The following EYS variants were observed in gnomAD, a reference collection of about 807,000 sequenced individuals.
EYS encodes the protein EGF-like photoreceptor maintenance factor.
EYS carries 250 observed loss-of-function variants against 282.1 expected under a neutral mutation model. That is an observed-to-expected ratio of 0.89 (90% CI 0.80 to 0.98). The LOEUF is 0.98. Ranked by LOEUF, EYS falls within the 50% of genes least tolerant of loss-of-function variation. The pLI, the probability that EYS is intolerant of heterozygous loss-of-function variation, is 0.00. For synonymous variants in EYS, 1,355 were observed against 1,282.9 expected (o/e 1.06, Z -1.20); for missense variants, 4,016 against 3,709.0 (o/e 1.08, Z -2.15).
At chr6:64,329,075 C>G (rs1002833271) in intron 29 of EYS, among the ~76,000 whole-genome samples, 6 of 152,094 alleles carry the variant, frequency 3.9e-5, no homozygotes, top group Non-Finnish European at 8.8e-5. Context: ...AGGACTGAGA[C>G]AGACCAGGCT....
intron 29 of EYS, among the ~76,000 whole-genome samples, chr6:64,375,027 G>C (rs541711182): frequency 6.6e-6 from 1 of 152,250 alleles, no homozygotes; most frequent in East Asian, 1.9e-4. Flanking sequence ...AGTTATATCT[G>C]TTATTTTTAA....
chr6:65,281,035 C>CAAAAAA (rs35633005), intron 12 of EYS, among the ~76,000 whole-genome samples: 18 of 101,614 alleles, frequency 1.8e-4, no homozygotes, highest in East Asian at 8.1e-4. Flanking sequence ...GATGCCATCT[C>CAAAAAA]AAAAAAAAAA....
intron 33 of EYS, among the ~76,000 whole-genome samples, chr6:64,050,517 T>A (rs1204139159): frequency 2.0e-5 from 3 of 152,124 alleles, no homozygotes; most frequent in African/African-American, 4.8e-5. Flanking sequence ...AGGGAAAAAA[T>A]TTGTTTCAGT....
intron 36 of EYS, among the ~76,000 whole-genome samples, chr6:63,851,340 A>T (rs910636561): frequency 1.3e-5 from 2 of 152,174 alleles, no homozygotes; most frequent in Non-Finnish European, 2.9e-5. Context: ...ACATCTACAG[A>T]ACTCTCCACC....
At chr6:64,972,889 T>C (rs1562282134) in intron 14 of EYS, among the ~76,000 whole-genome samples, 1 of 152,056 alleles carries the variant, frequency 6.6e-6, no homozygotes. Context: ...AGGTATGTTC[T>C]TTAGAGTAAA....
intron 31 of EYS, among the ~76,000 whole-genome samples, chr6:64,082,749 C>T (rs1772015652): frequency 6.6e-6 from 1 of 151,950 alleles, no homozygotes; most frequent in Admixed American, 6.6e-5. Flanking sequence ...TTTAAATAAT[C>T]TCACAAAATC....
intron 26 of EYS, among the ~76,000 whole-genome samples, chr6:64,501,730 TGAG>T (rs765094561): frequency 9.9e-5 from 15 of 152,098 alleles, no homozygotes; most frequent in Non-Finnish European, 1.8e-4. Context: ...GAGAAGATTA[TGAG>T]GATAAATGCA....
chr6:65,335,505 G>C (rs975265178), intron 10 of EYS, among the ~76,000 whole-genome samples: 1 of 151,676 alleles, frequency 6.6e-6, no homozygotes, highest in Non-Finnish European at 1.5e-5. Context: ...CCTCAAACCA[G>C]TTTCAGCCAG....
At chr6:64,725,150 T>A (rs1771711589) in intron 22 of EYS, among the ~76,000 whole-genome samples, 1 of 152,188 alleles carries the variant, frequency 6.6e-6, no homozygotes, top group Non-Finnish European at 1.5e-5. Context: ...TAAGATCCTC[T>A]CTAATATAGA....
intron 15 of EYS, among the ~76,000 whole-genome samples, chr6:64,914,038 C>G (rs938837175): frequency 3.3e-5 from 5 of 152,038 alleles, no homozygotes; most frequent in Non-Finnish European, 5.9e-5. Flanking sequence ...CGAGGCTAGT[C>G]TGCCGTGAAG....
At position 65,556,037 on chromosome 6, in the gene EYS, T is replaced by C. The variant is rs146876176; in HGVS notation, c.-332-60044A>G. On this transcript the variant is annotated intron_variant, in intron 2 of 42. Transcript: ENST00000503581. ...CTCACATTATATTTCCTTTGGTCTGTGCTGTTCTAGCTTTGCTCAATGGTC... is the reference window on the plus strand; with the variant it reads ...CTCACATTATATTTCCTTTGGTCTGCGCTGTTCTAGCTTTGCTCAATGGTC... 2.5e-3 allele frequency among the ~76,000 whole-genome samples: 384 copies of C among 152,338 alleles called. 2 individuals are homozygous for C. The highest frequency in any genetic ancestry group is 8.9e-3 in the African/African-American group (371 of 41,586).
chr6:64,186,619 T>C (rs966700337), intron 31 of EYS, among the ~76,000 whole-genome samples: 5 of 152,100 alleles, frequency 3.3e-5, no homozygotes, highest in Non-Finnish European at 7.4e-5. Context: ...TTGAGGCATC[T>C]TGTAAACAGA....
At chr6:64,447,459 A>ATT (rs59741593) in intron 26 of EYS, among the ~76,000 whole-genome samples, 39,970 of 150,362 alleles carry the variant, frequency 0.27, 5,365 homozygotes, top group East Asian at 0.4. Context: ...TGAAATTCTG[A>ATT]TTTTTTTTTT....
intron 26 of EYS, among the ~76,000 whole-genome samples, chr6:64,505,176 T>C (rs1777171182): frequency 6.6e-6 from 1 of 152,218 alleles, no homozygotes; most frequent in Non-Finnish European, 1.5e-5. Context: ...TTGATTCCTC[T>C]TTTGGATATT....
At position 64,539,657 on chromosome 6, in the gene EYS, A is replaced by G. The variant is rs560106955; in HGVS notation, c.5644+50566T>C. 2.6e-5 allele frequency among the ~76,000 whole-genome samples: 4 copies of G among 152,334 alleles called. No individual in the cohort carries two copies. The South Asian group carries it at 8.3e-4, about 32-fold the overall frequency. On this transcript the variant is annotated intron_variant, in intron 26 of 42. Transcript: ENST00000503581. The stretch of plus-strand genomic sequence containing the variant: ...AAGGTGATGCTGATGCCACTGGTTC[A>G]TAAGCACCCTCTGCCATGCAAGGGT...
chr6:64,145,103 T>C (rs958457349), intron 31 of EYS, among the ~76,000 whole-genome samples: 5 of 152,226 alleles, frequency 3.3e-5, no homozygotes, highest in African/African-American at 1.2e-4. Context: ...TGACAGCTTC[T>C]ATTGAATAAG....
intron 26 of EYS, among the ~76,000 whole-genome samples, chr6:64,443,463 G>T (rs757235973): frequency 1.3e-5 from 2 of 152,134 alleles, no homozygotes; most frequent in Non-Finnish European, 2.9e-5. Context: ...GGCACAATTG[G>T]TTTTGAAATG....
At chr6:65,305,312 T>C (rs1338653040) in intron 11 of EYS, among the ~76,000 whole-genome samples, 1 of 152,226 alleles carries the variant, frequency 6.6e-6, no homozygotes. Context: ...TCCTTTGTTG[T>C]ATTCTTTATG....
intron 12 of EYS, among the ~76,000 whole-genome samples, chr6:65,087,891 G>A (rs1391516967): frequency 6.6e-6 from 1 of 152,128 alleles, no homozygotes; most frequent in East Asian, 1.9e-4. Flanking sequence ...TGTGTTAAGG[G>A]TTGGACCAGG....
Sources: gnomAD v4.1 joint callset for allele counts (sites outside exome capture counted in the v4.1 genomes callset) on GRCh38, gnomAD v4.1.1 for gene constraint, MANE v1.5 for transcripts, NCBI Gene and HGNC (gene_info 2026-07-23, HGNC 2026-07-21) for gene names.